ELMO1: variants seen among roughly 807,000 people sequenced by gnomAD.
The protein encoded by ELMO1 is engulfment and cell motility protein 1.
A neutral mutation model predicts 98.9 loss-of-function variants in ELMO1; 26 were observed. That is an observed-to-expected ratio of 0.26 (90% CI 0.19 to 0.36). ELMO1 has a LOEUF of 0.36. Ranked by LOEUF, ELMO1 falls within the 10% of genes least tolerant of loss-of-function variation. The pLI, the probability that ELMO1 is intolerant of heterozygous loss-of-function variation, is 1.00. For missense variants in ELMO1, 627 were observed against 935.2 expected, an observed-to-expected ratio of 0.67 and a Z score of 4.30; for synonymous variants, 346 against 346.0, an observed-to-expected ratio of 1.00 and a Z score of 0.00.
chr7:37,060,824 G>A (rs1348634908), intron 15 of ELMO1, among the ~76,000 whole-genome samples: 1 of 151,966 alleles, frequency 6.6e-6, no homozygotes, highest in Non-Finnish European at 1.5e-5. Context: ...TTGGGGTAAT[G>A]TCCCAAGTCA....
At chr7:37,242,093 C>T (rs1448706663) in intron 7 of ELMO1, among the ~76,000 whole-genome samples, 1 of 152,134 alleles carries the variant, frequency 6.6e-6, no homozygotes, top group African/African-American at 2.4e-5. Flanking sequence ...TTTTTCCTCT[C>T]CTTTTGGGAC....
chr7:37,292,147 G>A (rs1385584843), intron 4 of ELMO1, among the ~76,000 whole-genome samples: 1 of 123,416 alleles, frequency 8.1e-6, no homozygotes, highest in Non-Finnish European at 1.9e-5. Flanking sequence ...ATGGGGATTC[G>A]CTGTGTTGGC....
intron 1 of ELMO1, among the ~76,000 whole-genome samples, chr7:37,444,110 C>A (rs1277874438): frequency 6.6e-6 from 1 of 152,160 alleles, no homozygotes. Context: ...GCTATGTTGC[C>A]CAGGCTGAGT....
chr7:37,325,013 G>A (rs916272103), intron 2 of ELMO1, among the ~76,000 whole-genome samples: 10 of 152,118 alleles, frequency 6.6e-5, no homozygotes, highest in Admixed American at 3.9e-4. Context: ...TAAAATCCTT[G>A]AAACAGCACC....
intron 5 of ELMO1, among the ~76,000 whole-genome samples, chr7:37,259,569 T>A (rs1348492358): frequency 6.6e-6 from 1 of 152,192 alleles, no homozygotes; most frequent in Non-Finnish European, 1.5e-5. Context: ...AGCAGTTGCA[T>A]TCTTCTCAAA....
chr7:37,278,498 G>A (rs1796971267), intron 4 of ELMO1, among the ~76,000 whole-genome samples: 1 of 151,828 alleles, frequency 6.6e-6, no homozygotes, highest in Non-Finnish European at 1.5e-5. Flanking sequence ...AACAGAGCAA[G>A]ACCCTGTCTC....
At chr7:36,997,254 G>C (rs1215530911) in intron 16 of ELMO1, among the ~76,000 whole-genome samples, 1 of 152,174 alleles carries the variant, frequency 6.6e-6, no homozygotes, top group Admixed American at 6.5e-5. Context: ...AAAAATTTAA[G>C]CTATTTCCAG....
chr7:37,083,134 A>C lies in ELMO1; in HGVS notation c.1300+13485T>G, dbSNP rs78046552. Among the ~76,000 whole-genome samples the C allele has an allele frequency of 7.1e-3, 1,081 of 152,286 alleles. 18 individuals are homozygous for C. The highest frequency in any genetic ancestry group is 0.025 in the African/African-American group (1,035 of 41,568). On this transcript the variant is annotated intron_variant, in intron 15 of 21. Coordinates refer to ENST00000310758, the MANE Select transcript of ELMO1 (RefSeq NM_014800.11). ...TAGAGCTGCTTGGTAGTGGAGCCAG[A>C]ACTAGAATCCAGGTCTTCTAATGCT...
intron 21 of ELMO1, among the ~76,000 whole-genome samples, chr7:36,860,206 T>C (rs1802512730): frequency 6.6e-6 from 1 of 152,202 alleles, no homozygotes; most frequent in African/African-American, 2.4e-5. Flanking sequence ...GACAGTTAAG[T>C]TTTTGGGGAG....
chr7:37,163,850 CCCAGTAATGGGATGGCTGGGTT>C, intron 13 of ELMO1, among the ~76,000 whole-genome samples: 1 of 152,158 alleles, frequency 6.6e-6, no homozygotes, highest in East Asian at 1.9e-4. Context: ...TGGGTATATA[CCCAGTAATGGGATGGCTGGGTT>C]AAATGGTATT....
intron 15 of ELMO1, among the ~76,000 whole-genome samples, chr7:37,023,874 G>A (rs371344672): frequency 1.3e-4 from 20 of 152,172 alleles, no homozygotes; most frequent in East Asian, 1.9e-4. Context: ...ATGAGCCACC[G>A]GCCTATGAAT....
chr7:36,878,727 TCTC>T (rs1257784079), intron 18 of ELMO1, among the ~76,000 whole-genome samples: 1 of 152,178 alleles, frequency 6.6e-6, no homozygotes, highest in African/African-American at 2.4e-5. Context: ...GCACAATCAT[TCTC>T]CTCTCCAATT....
chr7:36,960,191 G>C (rs1788821564), intron 16 of ELMO1, among the ~76,000 whole-genome samples: 1 of 152,114 alleles, frequency 6.6e-6, no homozygotes, highest in South Asian at 2.1e-4. Flanking sequence ...TGTGAGTACT[G>C]TGTGCCCCCA....
At chr7:37,416,828 A>T (rs553802440) in intron 1 of ELMO1, among the ~76,000 whole-genome samples, 99 of 152,320 alleles carry the variant, frequency 6.5e-4, no homozygotes, top group African/African-American at 2.3e-3. Context: ...TGCTGACAAC[A>T]ATCTTGTAAG....
intron 5 of ELMO1, chr7:37,270,908 C>CAT (rs1411190345): frequency 6.8e-6 from 1 of 147,098 alleles, no homozygotes; most frequent in Non-Finnish European, 1.5e-5. Flanking sequence ...CACACAGACA[C>CAT]ACACACACAC....
chr7:37,028,254 T>C (rs1216035769), intron 15 of ELMO1, among the ~76,000 whole-genome samples: 2 of 152,146 alleles, frequency 1.3e-5, no homozygotes, highest in Non-Finnish European at 2.9e-5. Context: ...TGGAGAAGTA[T>C]TTCCTTTCAT....
At chr7:36,869,029 T>C (rs1482244271) in intron 20 of ELMO1, among the ~76,000 whole-genome samples, 1 of 152,208 alleles carries the variant, frequency 6.6e-6, no homozygotes, top group Non-Finnish European at 1.5e-5. Flanking sequence ...AGGCAAACCA[T>C]GAAAACTGGA....
Position 37,154,765 on chromosome 7 carries a change from C to A in ELMO1, c.1087-21531G>T, listed in dbSNP as rs527984075. On this transcript the variant is annotated intron_variant, in intron 13 of 21. Coordinates refer to ENST00000310758, the MANE Select transcript of ELMO1 (RefSeq NM_014800.11). ...CAGGATATTACCCAGGAGGGCTTCCCCAATCTAGCAAGGCAGGCCAACATT... is the reference window on the plus strand; with the variant it reads ...CAGGATATTACCCAGGAGGGCTTCCACAATCTAGCAAGGCAGGCCAACATT... Among the ~76,000 whole-genome samples, 5 of 152,226 alleles carry A rather than the reference C, an allele frequency of 3.3e-5. No individual in the cohort carries two copies. In the East Asian group the frequency reaches 5.8e-4, roughly 18 times the overall value.
chr7:37,431,326 G>A (rs56321522), intron 1 of ELMO1, among the ~76,000 whole-genome samples: 2,160 of 139,908 alleles, frequency 0.015, 57 homozygotes, highest in African/African-American at 0.054. Context: ...GACAGAGCAA[G>A]ACCCTGTCTC....
Sources: allele counts gnomAD v4.1 joint callset (sites outside exome capture counted in the v4.1 genomes callset), GRCh38; gene constraint gnomAD v4.1.1; transcripts MANE v1.5; gene names NCBI Gene and HGNC (gene_info 2026-07-23, HGNC 2026-07-21).